STYXL2: variants seen among roughly 807,000 people sequenced by gnomAD.
STYXL2 encodes serine/threonine/tyrosine interacting like 2.
Under a neutral mutation model 52.4 loss-of-function variants are expected in STYXL2, and 44 were observed. That is an observed-to-expected ratio of 0.84 (90% CI 0.66 to 1.08). The LOEUF (loss-of-function observed/expected upper bound fraction) is 1.08, where lower values mean the gene tolerates loss of function less well. STYXL2 is among the 50% of genes least tolerant of loss of function. The pLI is 0.00. For missense variants in STYXL2, 1,604 were observed against 1,471.7 expected, an observed-to-expected ratio of 1.09 and a Z score of -1.47; for synonymous variants, 604 against 586.9, an observed-to-expected ratio of 1.03 and a Z score of -0.42.
intron 5 of STYXL2, among the ~76,000 whole-genome samples, chr1:167,124,124 C>A (rs532139706): frequency 3.3e-5 from 5 of 151,304 alleles, no homozygotes; most frequent in African/African-American, 1.2e-4. Flanking sequence ...GTTGCCAGGC[C>A]GGTCTCAAAC....
intron 5 of STYXL2, among the ~76,000 whole-genome samples, chr1:167,121,322 C>A (rs539032989): frequency 1.3e-4 from 20 of 152,324 alleles, no homozygotes; most frequent in African/African-American, 4.8e-4. Flanking sequence ...AAAACTCCTT[C>A]TTTTTAAAAT....
chr1:167,094,666 G>T (rs1419898892), intron 1 of STYXL2, among the ~76,000 whole-genome samples, 168 bp from the exon 2 acceptor site: 1 of 152,084 alleles, frequency 6.6e-6, no homozygotes, highest in Non-Finnish European at 1.5e-5. Flanking sequence ...TGGTGTCCCG[G>T]TAACAGTGGC....
chr1:167,114,722 G>T (rs1236015060), intron 3 of STYXL2, among the ~76,000 whole-genome samples: 1 of 152,166 alleles, frequency 6.6e-6, no homozygotes, highest in Non-Finnish European at 1.5e-5. Context: ...CACTCTAGGA[G>T]GCCCCATCTT....
At chr1:167,101,696 T>C (rs1006648850) in intron 2 of STYXL2, among the ~76,000 whole-genome samples, 2 of 151,556 alleles carry the variant, frequency 1.3e-5, no homozygotes, top group African/African-American at 2.4e-5. Flanking sequence ...CCCAGCTACT[T>C]AGGCTGAGGC....
At chr1:167,117,695 T>C in intron 4 of STYXL2, 136 bp downstream of exon 4, 1 of 738,284 alleles carries the variant, frequency 1.4e-6, no homozygotes, top group Non-Finnish European at 2.2e-6. Flanking sequence ...CCACTTACCC[T>C]GCCCCAGCCC....
rs372672635 is a variant in STYXL2 at position 167,105,300 on chromosome 1, C to T, written c.111-8410C>T. Among the ~76,000 whole-genome samples the T allele has an allele frequency of 4.1e-4, 63 of 152,364 alleles. No individual in the cohort carries two copies. The East Asian group carries it at 9.8e-3, about 24-fold the overall frequency. ...GTCTAAAGCAAGCTGCACCACTCTC[C>T]GGCTTTTGGTTAGGAAGTCCATCAA... On this transcript the variant is annotated intron_variant, in intron 2 of 5. Transcript: ENST00000361200.
chr1:167,125,814 G>T lies in STYXL2; in HGVS notation c.683G>T (p.Gly228Val). Residue 228 changes from glycine (G) to valine (V), a missense_variant, in exon 6 of 6, where the codon GGC becomes GTC. Gly to Val is a moderately radical substitution (Grantham distance 109). Coordinates refer to ENST00000361200, the MANE Select transcript of STYXL2 (RefSeq NM_001080426.3). ...RGKVLVSSEM[G>V]ISRSAVLVVA... is the part of the protein sequence containing the mutation. Reference sequence around the variant, plus strand: ...AAAGTCCTGGTCAGCAGCGAAATGGGCATCAGCCGGTCAGCAGTGCTGGTG... The same window carrying T: ...AAAGTCCTGGTCAGCAGCGAAATGGTCATCAGCCGGTCAGCAGTGCTGGTG... The T allele has an allele frequency of 6.2e-7, 1 of 1,606,562 alleles. No individual in the cohort carries two copies. The highest frequency in any genetic ancestry group is 8.5e-7 in the Non-Finnish European group (1 of 1,176,888).
chr1:167,106,737 G>C (rs769471208), intron 2 of STYXL2, among the ~76,000 whole-genome samples: 3 of 152,074 alleles, frequency 2.0e-5, no homozygotes, highest in African/African-American at 7.2e-5. Context: ...TGTCCACCAG[G>C]TCTGTTATAG....
intron 2 of STYXL2, among the ~76,000 whole-genome samples, chr1:167,096,999 T>C (rs551497031): frequency 6.6e-6 from 1 of 152,296 alleles, no homozygotes; most frequent in South Asian, 2.1e-4. Context: ...TACCATTTTA[T>C]AAAAGGAGGA....
intron 2 of STYXL2, among the ~76,000 whole-genome samples, chr1:167,095,830 T>G (rs1027449846): frequency 6.6e-6 from 1 of 152,102 alleles, no homozygotes; most frequent in Non-Finnish European, 1.5e-5. Context: ...CCTCTAAGAA[T>G]TTATCATTCT....
intron 2 of STYXL2, among the ~76,000 whole-genome samples, chr1:167,103,651 A>C (rs1049968649): frequency 1.3e-5 from 2 of 152,220 alleles, no homozygotes; most frequent in Admixed American, 1.3e-4. Flanking sequence ...ACTCTCTGGA[A>C]GAAAATGGGC....
Position 167,108,646 on chromosome 1 carries a change from G to C in STYXL2, c.111-5064G>C, listed in dbSNP as rs200848980. Among the ~76,000 whole-genome samples, 8 of 148,692 alleles carry C rather than the reference G, an allele frequency of 5.4e-5. No homozygotes were observed. The East Asian group carries it at 1.4e-3, about 27-fold the overall frequency. On this transcript the variant is annotated intron_variant, in intron 2 of 5. Transcript: ENST00000361200. ...TTGAGTTGATTAGAGTTATGGGGGG[G>C]AAAAATGGCAGATAGGAGGGAGGAC...
rs557770477 is a variant in STYXL2 at position 167,121,382 on chromosome 1, G to A, written c.655+1916G>A. On this transcript the variant is annotated intron_variant, in intron 5 of 5. Coordinates refer to ENST00000361200, the MANE Select transcript of STYXL2 (RefSeq NM_001080426.3). ...TTGAATGGGTCTGTCGGTCGCCTGC[G>A]GCGTAAGGAGTGTGTCCCACCTCGC... Among the ~76,000 whole-genome samples the A allele has an allele frequency of 2.0e-5, 3 of 152,328 alleles. No individual in the cohort carries two copies. In the East Asian group the frequency reaches 5.8e-4, roughly 29 times the overall value.
intron 2 of STYXL2, among the ~76,000 whole-genome samples, chr1:167,110,524 A>G (rs1387244517): frequency 6.6e-6 from 1 of 152,232 alleles, no homozygotes; most frequent in Non-Finnish European, 1.5e-5. Context: ...GATAGCATCA[A>G]CAACAAAAAA....
chr1:167,104,219 C>G (rs776613479), intron 2 of STYXL2, among the ~76,000 whole-genome samples: 11 of 148,934 alleles, frequency 7.4e-5, no homozygotes, highest in Middle Eastern at 3.4e-3. Flanking sequence ...GTTTTCTCTT[C>G]TTTCCAACTA....
Position 167,117,414 on chromosome 1 carries a change from A to G in STYXL2, c.292A>G (p.Asn98Asp). 1 of 1,612,846 alleles carries G rather than the reference A, an allele frequency of 6.2e-7. No homozygotes were observed. Among genetic ancestry groups the G allele is most frequent in the Non-Finnish European group, 8.5e-7 (1 of 1,179,516 alleles). Residue 98 changes from asparagine (N) to aspartate (D), a missense_variant, in exon 4 of 6, where the codon AAC becomes GAC. Coordinates refer to ENST00000361200, the MANE Select transcript of STYXL2 (RefSeq NM_001080426.3). ...ACAGCTGCTGGTGGAGGACCTGTAC[A>G]ACCGCGTCAGGGAGAAGATGGATGA... ...AEQLLVEDLYNRVREKMDDTS... is the reference protein window; with the variant it reads ...AEQLLVEDLYDRVREKMDDTS...
At chr1:167,099,082 G>A (rs1269489380) in intron 2 of STYXL2, among the ~76,000 whole-genome samples, 2 of 151,880 alleles carry the variant, frequency 1.3e-5, no homozygotes, top group Non-Finnish European at 2.9e-5. Context: ...GACAAAAAGA[G>A]ACACTTCATA....
chr1:167,127,832 C>T lies in STYXL2; in HGVS notation c.2701C>T (p.Arg901Cys), dbSNP rs764858735. 3.2e-5 allele frequency: 51 copies of T among 1,613,618 alleles called. 1 individual carries two copies. In the Admixed American group the frequency reaches 5.2e-4, roughly 16 times the overall value. The change falls in exon 6 of 6, where the codon CGC (arginine) becomes TGC (cysteine). Residue 901 changes from arginine to cysteine, a missense_variant. Coordinates refer to ENST00000361200, the MANE Select transcript of STYXL2 (RefSeq NM_001080426.3). Reference sequence around the variant, plus strand: ...CATAGGGAGCTTCCGATATTCTTCCCGCAGTAATTCCCAGAAACCTGAAAC... The same window carrying T: ...CATAGGGAGCTTCCGATATTCTTCCTGCAGTAATTCCCAGAAACCTGAAAC... Reference protein sequence around the residue: ...SAIGSFRYSSRSNSQKPETDT... With the variant: ...SAIGSFRYSSCSNSQKPETDT...
Position 167,094,952 on chromosome 1 carries a change from C to T in STYXL2, c.103C>T (p.Pro35Ser). 1 of 1,602,582 alleles carries T rather than the reference C, an allele frequency of 6.2e-7. No individual in the cohort carries two copies. The highest frequency in any genetic ancestry group is 8.5e-7 in the Non-Finnish European group (1 of 1,174,776). ...GGCCCACTACCTCCGAAGCCCCTCCCCTAGCCAGTAAGTGACCACTTATCT... is the reference window on the plus strand; with the variant it reads ...GGCCCACTACCTCCGAAGCCCCTCCTCTAGCCAGTAAGTGACCACTTATCT... ...VQAHYLRSPS[P>S]SQYSMVSDAE... The change falls in exon 2 of 6, where the codon CCT becomes TCT. Residue 35 changes from proline (P) to serine (S), a missense_variant. By Grantham distance (74) the Pro-to-Ser change is moderately conservative. Transcript: ENST00000361200.
Sources: gnomAD v4.1 joint callset for allele counts (sites outside exome capture counted in the v4.1 genomes callset) on GRCh38, gnomAD v4.1.1 for gene constraint, MANE v1.5 for transcripts, NCBI Gene and HGNC (gene_info 2026-07-23, HGNC 2026-07-21) for gene names.